Variants in ATE1 observed in about 807,000 individuals in gnomAD.
ATE1 encodes the protein arginyltransferase 1.
ATE1 carries 36 observed loss-of-function variants against 70.5 expected under a neutral mutation model. That is an observed-to-expected ratio of 0.51 (90% CI 0.39 to 0.67). The LOEUF is 0.67. Ranked by LOEUF, ATE1 falls within the 30% of genes least tolerant of loss-of-function variation. The pLI, the probability that ATE1 is intolerant of heterozygous loss-of-function variation, is 0.00. For missense variants in ATE1, 593 were observed against 629.5 expected (o/e 0.94, Z 0.62); for synonymous variants, 232 against 219.3 (o/e 1.06, Z -0.51).
intron 7 of ATE1, among the ~76,000 whole-genome samples, chr10:121,893,399 A>T (rs1950651693): frequency 6.6e-6 from 1 of 152,212 alleles, no homozygotes; most frequent in South Asian, 2.1e-4. Flanking sequence ...GAGCAAAGCT[A>T]TACTAGAAGG....
chr10:121,841,731 A>T (rs914359168), intron 8 of ATE1, among the ~76,000 whole-genome samples: 1 of 152,146 alleles, frequency 6.6e-6, no homozygotes, highest in Non-Finnish European at 1.5e-5. Context: ...ACACAAAAAC[A>T]TAAGAATGAC....
At position 121,837,921 on chromosome 10, in the gene ATE1, T is replaced by C. The variant is rs1422890689; in HGVS notation, c.1158-1104A>G. Among the ~76,000 whole-genome samples the C allele has an allele frequency of 2.0e-5, 3 of 152,238 alleles. No homozygotes were observed. The South Asian group carries it at 6.2e-4, about 32-fold the overall frequency. On this transcript the variant is annotated intron_variant, in intron 9 of 11. Coordinates refer to ENST00000224652, the MANE Select transcript of ATE1 (RefSeq NM_001001976.3). ...ACTTGGTCCTGCCCACGTCAGTTCATTTCATCACCTCTCTCCGGATTTGTT... is the reference window on the plus strand; with the variant it reads ...ACTTGGTCCTGCCCACGTCAGTTCACTTCATCACCTCTCTCCGGATTTGTT...
intron 11 of ATE1, among the ~76,000 whole-genome samples, chr10:121,749,222 G>A (rs1325594827): frequency 1.3e-5 from 2 of 152,012 alleles, no homozygotes; most frequent in East Asian, 3.9e-4. Flanking sequence ...AAAATCCTCA[G>A]TACTCAGGTA....
intron 7 of ATE1, among the ~76,000 whole-genome samples, chr10:121,896,447 G>A (rs1195497670): frequency 6.6e-6 from 1 of 152,214 alleles, no homozygotes; most frequent in Non-Finnish European, 1.5e-5. Context: ...TGATAGGTAT[G>A]TCGCAGTTTA....
intron 8 of ATE1, 116 bp downstream of exon 8, chr10:121,869,890 A>G (rs1043805840): frequency 1.1e-5 from 10 of 952,130 alleles, no homozygotes; most frequent in African/African-American, 8.1e-5. Context: ...ATTGAAGAAT[A>G]TATGTGTCCC....
chr10:121,858,678 TA>T (rs369165957), intron 8 of ATE1, among the ~76,000 whole-genome samples: 3 of 53,864 alleles, frequency 5.6e-5, no homozygotes, highest in South Asian at 6.4e-4. Context: ...ATAATATATA[TA>T]TTTTTATATA....
chr10:121,850,699 G>T (rs559957914), intron 8 of ATE1, among the ~76,000 whole-genome samples: 1 of 152,284 alleles, frequency 6.6e-6, no homozygotes, highest in East Asian at 1.9e-4. Flanking sequence ...AACTGAGCAG[G>T]TTATAGGATT....
At position 121,914,013 on chromosome 10, in the gene ATE1, G is replaced by A. The variant is rs191708297; in HGVS notation, c.234-120C>T. 3 of 680,304 alleles carry A rather than the reference G, an allele frequency of 4.4e-6. No individual in the cohort carries two copies. In the East Asian group the frequency reaches 8.4e-5, roughly 19 times the overall value. The allele number at this position is 680,304 out of a possible 1,614,324, so 42.1% of individuals were successfully genotyped here. ...TGCCTGAGATTTCTGGTTAAAGATG[G>A]GGCTTAATGTAGCCTCTAATCCCAG... On this transcript the variant is annotated intron_variant, in intron 3 of 11. Coordinates refer to ENST00000224652, the MANE Select transcript of ATE1 (RefSeq NM_001001976.3).
At chr10:121,835,370 C>A (rs965454615) in intron 10 of ATE1, among the ~76,000 whole-genome samples, 1 of 151,696 alleles carries the variant, frequency 6.6e-6, no homozygotes, top group Admixed American at 6.6e-5. Context: ...GAAATCGAAC[C>A]ATCTCCCCAG....
At chr10:121,809,617 CA>C (rs1367347426) in intron 10 of ATE1, among the ~76,000 whole-genome samples, 1 of 152,072 alleles carries the variant, frequency 6.6e-6, no homozygotes, top group East Asian at 1.9e-4. Context: ...TTTTCCATCA[CA>C]GTTGCTTTTG....
Position 121,885,105 on chromosome 10 carries a change from A to G in ATE1, c.942+14761T>C, listed in dbSNP as rs988970534. 7.1e-4 allele frequency among the ~76,000 whole-genome samples: 108 copies of G among 151,698 alleles called. 1 individual carries two copies. Among genetic ancestry groups the G allele is most frequent in the Non-Finnish European group, 1.4e-3 (97 of 67,892 alleles). ...GTGAAATCCTGTCTCTACTAAAAAT[A>G]CAAAAATCAGCCAGGTGTGGTGGCA... On this transcript the variant is annotated intron_variant, in intron 7 of 11. Coordinates refer to ENST00000224652, the MANE Select transcript of ATE1 (RefSeq NM_001001976.3).
At chr10:121,786,804 A>G (rs1946233357) in intron 11 of ATE1, among the ~76,000 whole-genome samples, 1 of 152,170 alleles carries the variant, frequency 6.6e-6, no homozygotes. Flanking sequence ...CAACGTAAGG[A>G]TGCAGAATAT....
At chr10:121,899,702 T>G (rs970023325) in intron 7 of ATE1, among the ~76,000 whole-genome samples, 164 bp downstream of exon 7, 1 of 152,174 alleles carries the variant, frequency 6.6e-6, no homozygotes, top group African/African-American at 2.4e-5. Context: ...TAGGTAAAAT[T>G]TGCACTTTCA....
chr10:121,924,696 T>C (rs1361628744), intron 1 of ATE1, among the ~76,000 whole-genome samples: 2 of 133,196 alleles, frequency 1.5e-5, no homozygotes, highest in African/African-American at 2.7e-5. Context: ...TGAGACTCCA[T>C]CTCAAAAAAA....
intron 8 of ATE1, among the ~76,000 whole-genome samples, chr10:121,848,073 AAATAAT>A (rs1175821158): frequency 6.6e-6 from 1 of 152,080 alleles, no homozygotes; most frequent in Non-Finnish European, 1.5e-5. Flanking sequence ...TCCATCTAAA[AAATAAT>A]AATAATAATC....
chr10:121,750,583 T>TG (rs1240469941), intron 11 of ATE1, among the ~76,000 whole-genome samples: 5 of 152,224 alleles, frequency 3.3e-5, no homozygotes, highest in African/African-American at 1.2e-4. Context: ...ACAATACAGG[T>TG]GCTTTCAAAG....
In ATE1 at chr10:121,762,473, A is replaced by G. The variant is rs150478841; in HGVS notation, c.1379-18615T>C. Among the ~76,000 whole-genome samples the G allele has an allele frequency of 1.4e-4, 21 of 152,122 alleles. No homozygotes were observed. The East Asian group carries it at 3.1e-3, about 22-fold the overall frequency. ...TGGCCGCTTCACTGTAACATTGATG[A>G]AAAAAAATGCATCTCCTGCCAGGGC... On this transcript the variant is annotated intron_variant, in intron 11 of 11. Coordinates refer to ENST00000224652, the MANE Select transcript of ATE1 (RefSeq NM_001001976.3).
intron 8 of ATE1, among the ~76,000 whole-genome samples, chr10:121,858,370 C>G (rs1949326402): frequency 6.6e-6 from 1 of 151,896 alleles, no homozygotes; most frequent in African/African-American, 2.4e-5. Context: ...AATAACCCAC[C>G]AAATAGGTAT....
At chr10:121,889,916 G>C (rs1950524890) in intron 7 of ATE1, among the ~76,000 whole-genome samples, 2 of 152,254 alleles carry the variant, frequency 1.3e-5, no homozygotes, top group South Asian at 2.1e-4. Flanking sequence ...AAATATTGTG[G>C]TTATATAAGA....
Sources: gnomAD v4.1 joint callset for allele counts (sites outside exome capture counted in the v4.1 genomes callset) on GRCh38, gnomAD v4.1.1 for gene constraint, MANE v1.5 for transcripts, NCBI Gene and HGNC (gene_info 2026-07-23, HGNC 2026-07-21) for gene names.